Variants in PELP1 observed in about 807,000 individuals in gnomAD.
The protein encoded by PELP1 is proline-, glutamic acid- and leucine-rich protein 1.
In PELP1, 32 loss-of-function variants were observed where a neutral mutation model predicts 95.5. The observed-to-expected ratio is 0.34, with a 90% CI of 0.25 to 0.45. PELP1 has a LOEUF of 0.45. Ranked by LOEUF, PELP1 falls within the 20% of genes least tolerant of loss-of-function variation. PELP1 has a pLI of 1.00. For missense variants in PELP1, 1,358 were observed against 1,444.8 expected, an observed-to-expected ratio of 0.94 and a Z score of 0.97; for synonymous variants, 668 against 600.1, an observed-to-expected ratio of 1.11 and a Z score of -1.65.
intron 5 of PELP1, among the ~76,000 whole-genome samples, chr17:4,678,372 G>C (rs1006726628): frequency 3.9e-4 from 60 of 152,178 alleles, no homozygotes; most frequent in African/African-American, 1.4e-3. Context: ...CTACTTGGGA[G>C]ACTGACGTGG....
chr17:4,673,343 C>T lies in PELP1; in HGVS notation c.1752G>A (p.Leu584=), dbSNP rs766767534. The change falls in exon 15 of 17, where the codon CTG becomes CTA. Residue 584 remains leucine, a synonymous_variant. Coordinates refer to ENST00000572293, the MANE Select transcript of PELP1 (RefSeq NM_014389.3). This position sits in a 1 kb window ranked among gnomAD's most constrained non-coding sequence, Gnocchi z 5.7. ...GAGGAGACGGGGCCAGCAGCAGCGC[C>T]AGCAGCAGGCAGTAGAGTTCACGGC... The part of the protein sequence containing the change: ...RCRRELYCLL[L]ALLLAPSPRC... 28 of 1,594,370 alleles carry T rather than the reference C, an allele frequency of 1.8e-5. No homozygotes were observed. Among genetic ancestry groups the T allele is most frequent in the Non-Finnish European group, 1.4e-5 (16 of 1,170,814 alleles).
chr17:4,689,543 T>C (rs946377716), intron 3 of PELP1, among the ~76,000 whole-genome samples: 2 of 152,176 alleles, frequency 1.3e-5, no homozygotes, highest in South Asian at 2.1e-4. Flanking sequence ...AAAGAAGATA[T>C]ACAAATGGCC....
In PELP1 at chr17:4,672,059, G is replaced by C. The variant is rs774898065; in HGVS notation, c.2932C>G (p.Pro978Ala). The C allele has an allele frequency of 1.9e-6, 3 of 1,563,052 alleles. No homozygotes were observed. In the East Asian group the frequency reaches 7.0e-5, roughly 37 times the overall value. Residue 978 changes from proline (P) to alanine (A), a missense_variant, in exon 16 of 17, where the codon CCA becomes GCA. Transcript: ENST00000572293. ...AGAGCTGGAGGCAGGGTTGGGGGTG[G>C]AGGTGCACCTTCTTCTACCTCCCCT... ...AGGEVEEGAPPPPTLPPALPP... is the reference protein window; with the variant it reads ...AGGEVEEGAPAPPTLPPALPP...
chr17:4,694,914 C>T (rs1053537257), intron 1 of PELP1, among the ~76,000 whole-genome samples: 1 of 150,810 alleles, frequency 6.6e-6, no homozygotes, highest in Admixed American at 6.6e-5. Context: ...CGCTTGAACC[C>T]GGGAGAATCG....
Position 4,699,897 on chromosome 17 carries a change from A to ATTTTTT in PELP1, c.249+3960_249+3965dup, listed in dbSNP as rs34806511. ...TCACTGCACCCAGCCCTAGAGGGTG[A>ATTTTTT]TTTTTTTTTTTTTTTTTTTTTTTGA... On this transcript the variant is annotated intron_variant, in intron 1 of 16. Coordinates refer to ENST00000572293, the MANE Select transcript of PELP1 (RefSeq NM_014389.3). Among the ~76,000 whole-genome samples the ATTTTTT allele has an allele frequency of 7.3e-4, 63 of 86,742 alleles. 5 individuals carry two copies. Among genetic ancestry groups the ATTTTTT allele is most frequent in the South Asian group, 1.8e-3 (4 of 2,214 alleles). 56.9% of individuals were successfully genotyped at this position (86,742 alleles called of 152,430 possible).
chr17:4,703,582 T>C (rs903200113), intron 1 of PELP1, among the ~76,000 whole-genome samples: 2 of 152,112 alleles, frequency 1.3e-5, no homozygotes, highest in East Asian at 3.8e-4. Context: ...TTTTAGATTA[T>C]ACAACTAGTG....
chr17:4,683,829 C>CT (rs994295435), intron 3 of PELP1, among the ~76,000 whole-genome samples: 990 of 91,294 alleles, frequency 0.011, 173 homozygotes, highest in African/African-American at 0.02. Flanking sequence ...AGTGCCCAGC[C>CT]TTTTTTTTTT....
chr17:4,688,198 G>A (rs1597453888), intron 3 of PELP1, among the ~76,000 whole-genome samples: 1 of 152,132 alleles, frequency 6.6e-6, no homozygotes, highest in East Asian at 1.9e-4. Context: ...AGCCGGGCGG[G>A]GTGGCAGGCA....
intron 3 of PELP1, among the ~76,000 whole-genome samples, chr17:4,688,948 T>C (rs960278646): frequency 2.0e-5 from 3 of 152,188 alleles, no homozygotes; most frequent in African/African-American, 4.8e-5. Flanking sequence ...CTTCAAAATA[T>C]ACTACAAGGC....
Position 4,676,029 on chromosome 17 carries a change from C to T in PELP1, c.980+7G>A. On this transcript the variant is annotated splice_region_variant and intron_variant, in intron 8 of 16. Coordinates refer to ENST00000572293, the MANE Select transcript of PELP1 (RefSeq NM_014389.3). Reference sequence around the variant, plus strand: ...ACGCCTCCGCTCCCTCCAATACCCACACACACCTGAGCATGAGCCCTAGGC... The same window carrying T: ...ACGCCTCCGCTCCCTCCAATACCCATACACACCTGAGCATGAGCCCTAGGC... 1 of 1,613,770 alleles carries T rather than the reference C, an allele frequency of 6.2e-7. No homozygotes were observed. Among genetic ancestry groups the T allele is most frequent in the Non-Finnish European group, 8.5e-7 (1 of 1,179,768 alleles).
intron 3 of PELP1, among the ~76,000 whole-genome samples, chr17:4,684,748 G>A (rs1050457409): frequency 2.0e-5 from 3 of 152,180 alleles, no homozygotes; most frequent in Non-Finnish European, 4.4e-5. Context: ...AGGCTGGAGT[G>A]CAGTGGTGTG....
chr17:4,703,161 C>A (rs1025021570), intron 1 of PELP1, among the ~76,000 whole-genome samples: 1 of 152,158 alleles, frequency 6.6e-6, no homozygotes, highest in Non-Finnish European at 1.5e-5. Flanking sequence ...ACCCATCTCA[C>A]CAGTCTCATC....
chr17:4,678,710 C>T (rs905127564), intron 5 of PELP1, among the ~76,000 whole-genome samples: 2 of 152,188 alleles, frequency 1.3e-5, no homozygotes, highest in African/African-American at 4.8e-5. Flanking sequence ...AACTGCTCAT[C>T]AATGTGGCAA....
chr17:4,692,747 C>T (rs1470964181), intron 1 of PELP1, among the ~76,000 whole-genome samples: 1 of 152,132 alleles, frequency 6.6e-6, no homozygotes, highest in Non-Finnish European at 1.5e-5. Context: ...TGGTAGCTCA[C>T]GCCTGTAATC....
chr17:4,703,175 A>G (rs1371357076), intron 1 of PELP1, among the ~76,000 whole-genome samples: 1 of 152,024 alleles, frequency 6.6e-6, no homozygotes, highest in Admixed American at 6.5e-5. Context: ...TCTCATCTGT[A>G]CCCACTCTCT....
At chr17:4,688,446 T>G (rs757439239) in intron 3 of PELP1, among the ~76,000 whole-genome samples, 11 of 152,046 alleles carry the variant, frequency 7.2e-5, no homozygotes, top group Non-Finnish European at 1.3e-4. Context: ...TAGAACACCC[T>G]AAAGACTCAT....
In PELP1 at chr17:4,675,159, G is replaced by A. The variant is rs745406250; in HGVS notation, c.1194C>T (p.Ile398=). 7 of 1,613,694 alleles carry A rather than the reference G, an allele frequency of 4.3e-6. No individual in the cohort carries two copies. Among genetic ancestry groups the A allele is most frequent in the East Asian group, 4.5e-5 (2 of 44,884 alleles). ...GSRLLRFGIL[I]GRLLPQVLNS... is the part of the protein sequence containing the mutation. ...TGAGGACCTGGGGAAGCAGGCGGCC[G>A]ATCAGGATCCCAAAGCGCAAGAGCC... Residue 398 remains isoleucine (I), a synonymous_variant, in exon 11 of 17, where the codon ATC becomes ATT. Transcript: ENST00000572293. This position sits in a 1 kb window ranked among gnomAD's most constrained non-coding sequence, Gnocchi z 4.3.
At chr17:4,680,334 G>A (rs1224820298) in intron 5 of PELP1, among the ~76,000 whole-genome samples, 6 of 152,152 alleles carry the variant, frequency 3.9e-5, no homozygotes, top group African/African-American at 1.2e-4. Flanking sequence ...CTGGAGTACA[G>A]TGGTGCGATC....
intron 3 of PELP1, among the ~76,000 whole-genome samples, chr17:4,683,410 C>A (rs112258559): frequency 6.6e-6 from 1 of 151,458 alleles, no homozygotes; most frequent in Non-Finnish European, 1.5e-5. Flanking sequence ...TTAGTAGAGA[C>A]GGGGTTTCAC....
Sources: allele counts gnomAD v4.1 joint callset (sites outside exome capture counted in the v4.1 genomes callset), GRCh38; gene constraint gnomAD v4.1.1; non-coding constraint Gnocchi (gnomAD v3.1); transcripts MANE v1.5; gene names NCBI Gene and HGNC (gene_info 2026-07-23, HGNC 2026-07-21).